The following SCLT1 variants were observed in gnomAD, a reference collection of about 807,000 sequenced individuals.
The protein encoded by SCLT1 is sodium channel and clathrin linker 1.
In SCLT1, 78 loss-of-function variants were observed where a neutral mutation model predicts 112.8. The observed-to-expected ratio is 0.69, with a 90% CI of 0.58 to 0.83. SCLT1 has a LOEUF of 0.83. Ranked by LOEUF, SCLT1 falls within the 40% of genes least tolerant of loss-of-function variation. SCLT1 has a pLI of 0.00. For missense variants in SCLT1, 747 were observed against 770.4 expected, an observed-to-expected ratio of 0.97 and a Z score of 0.36; for synonymous variants, 257 against 254.7, an observed-to-expected ratio of 1.01 and a Z score of -0.09.
At chr4:128,894,256 C>G (rs318509) in intron 18 of SCLT1, among the ~76,000 whole-genome samples, 110,361 of 151,794 alleles carry the variant, frequency 0.73, 40,429 homozygotes, top group African/African-American at 0.82. Flanking sequence ...GTCAGTTGTA[C>G]AGTCAAGGTT....
intron 18 of SCLT1, among the ~76,000 whole-genome samples, chr4:128,913,970 C>A (rs996652172): frequency 6.6e-6 from 1 of 152,052 alleles, no homozygotes; most frequent in Non-Finnish European, 1.5e-5. Flanking sequence ...TGGTACTCAC[C>A]CGCTCCTCAC....
chr4:129,026,359 C>G (rs1203747218), intron 5 of SCLT1, among the ~76,000 whole-genome samples: 1 of 151,964 alleles, frequency 6.6e-6, no homozygotes, highest in South Asian at 2.1e-4. Flanking sequence ...TCTCTCAGAC[C>G]ACAGTGCAAT....
chr4:129,070,039 T>C (rs539563776), intron 2 of SCLT1, among the ~76,000 whole-genome samples: 4 of 152,156 alleles, frequency 2.6e-5, no homozygotes, highest in Non-Finnish European at 5.9e-5. Flanking sequence ...TTTAATTCTG[T>C]TTATGTTGAG....
At chr4:129,013,965 CT>C (rs1335657600) in intron 5 of SCLT1, among the ~76,000 whole-genome samples, 1 of 152,156 alleles carries the variant, frequency 6.6e-6, no homozygotes, top group Non-Finnish European at 1.5e-5. Flanking sequence ...GATTTGGTCT[CT>C]TTACATAATC....
intron 2 of SCLT1, among the ~76,000 whole-genome samples, chr4:129,050,299 G>A (rs1274056620): frequency 1.3e-5 from 2 of 152,150 alleles, no homozygotes; most frequent in Non-Finnish European, 2.9e-5. Context: ...CTAGATCCTT[G>A]AGGAATTGCC....
intron 5 of SCLT1, among the ~76,000 whole-genome samples, chr4:129,006,354 G>T (rs1744019320): frequency 6.6e-6 from 1 of 151,566 alleles, no homozygotes; most frequent in Non-Finnish European, 1.5e-5. Context: ...CCTGGCCAAT[G>T]TGGTGAAACC....
intron 18 of SCLT1, among the ~76,000 whole-genome samples, chr4:128,924,145 G>A (rs1579389828): frequency 6.6e-6 from 1 of 151,890 alleles, no homozygotes; most frequent in African/African-American, 2.4e-5. Context: ...TTACTGAGTT[G>A]TAAGATTAAA....
chr4:128,917,864 G>C (rs1191764413), intron 18 of SCLT1, among the ~76,000 whole-genome samples: 1 of 152,176 alleles, frequency 6.6e-6, no homozygotes, highest in Non-Finnish European at 1.5e-5. Flanking sequence ...GTGGTGGAGA[G>C]ATCCTCTCCA....
intron 18 of SCLT1, among the ~76,000 whole-genome samples, chr4:128,912,514 A>G (rs1735178658): frequency 6.6e-6 from 1 of 152,208 alleles, no homozygotes; most frequent in African/African-American, 2.4e-5. Context: ...ATACTTCAGT[A>G]GATACATTTT....
At chr4:128,938,909 G>A (rs1424198302) in intron 17 of SCLT1, among the ~76,000 whole-genome samples, 4 of 152,134 alleles carry the variant, frequency 2.6e-5, no homozygotes, top group Admixed American at 2.6e-4. Context: ...TTGAACCTGG[G>A]AGGTGGCAGT....
intron 5 of SCLT1, among the ~76,000 whole-genome samples, chr4:129,023,805 T>A (rs963665652): frequency 6.6e-6 from 1 of 152,132 alleles, no homozygotes; most frequent in South Asian, 2.1e-4. Flanking sequence ...GGTGACAGAC[T>A]GCACCTGGAA....
chr4:129,059,433 C>A (rs377374819), intron 2 of SCLT1, among the ~76,000 whole-genome samples: 4 of 152,092 alleles, frequency 2.6e-5, no homozygotes, highest in African/African-American at 9.7e-5. Context: ...ATTTCTCCTT[C>A]GTGTATCTGC....
chr4:128,998,823 AT>A (rs1261702020), intron 7 of SCLT1, among the ~76,000 whole-genome samples: 29 of 152,034 alleles, frequency 1.9e-4, no homozygotes, highest in Admixed American at 1.9e-3. Context: ...GATATTTCTA[AT>A]TATAATTACA....
chr4:129,091,309 C>T (rs909122086), intron 1 of SCLT1, among the ~76,000 whole-genome samples: 1 of 151,810 alleles, frequency 6.6e-6, no homozygotes, highest in African/African-American at 2.4e-5. Flanking sequence ...CCTTCTTCTG[C>T]TCCTTCTGCT....
chr4:129,080,703 A>C (rs1169630543), intron 2 of SCLT1, among the ~76,000 whole-genome samples: 1 of 152,210 alleles, frequency 6.6e-6, no homozygotes, highest in Non-Finnish European at 1.5e-5. Context: ...ACCTCTGCCC[A>C]TTATGCAGTT....
intron 18 of SCLT1, among the ~76,000 whole-genome samples, chr4:128,903,377 A>G (rs1315571897): frequency 6.6e-6 from 1 of 152,098 alleles, no homozygotes; most frequent in Non-Finnish European, 1.5e-5. Context: ...CGTTGACCAA[A>G]ATGTTATGTG....
intron 5 of SCLT1, among the ~76,000 whole-genome samples, chr4:129,032,032 C>T (rs1746770117): frequency 6.6e-6 from 1 of 151,952 alleles, no homozygotes; most frequent in Non-Finnish European, 1.5e-5. Flanking sequence ...GGAGACAATC[C>T]TAAGCAAAAA....
intron 18 of SCLT1, among the ~76,000 whole-genome samples, chr4:128,931,468 T>C (rs1455679384): frequency 6.6e-6 from 1 of 152,136 alleles, no homozygotes; most frequent in African/African-American, 2.4e-5. Context: ...AGAATTTTAT[T>C]TTATTTTATT....
chr4:128,999,604 T>C (rs1399875019), intron 7 of SCLT1, 68 bp downstream of exon 7: 2 of 1,239,788 alleles, frequency 1.6e-6, no homozygotes, highest in Non-Finnish European at 2.3e-6. Flanking sequence ...AGCGTTCCCC[T>C]CTAAAACAGT....
Sources: allele counts gnomAD v4.1 joint callset (sites outside exome capture counted in the v4.1 genomes callset), GRCh38; gene constraint gnomAD v4.1.1; transcripts MANE v1.5; gene names NCBI Gene and HGNC (gene_info 2026-07-23, HGNC 2026-07-21).